JMY: variants seen among roughly 807,000 people sequenced by gnomAD.
JMY encodes the protein junction-mediating and -regulatory protein.
Under a neutral mutation model 103.3 loss-of-function variants are expected in JMY, and 46 were observed. The observed-to-expected ratio is 0.45, with a 90% CI of 0.35 to 0.57. The LOEUF (loss-of-function observed/expected upper bound fraction) is 0.57, where lower values mean the gene tolerates loss of function less well. JMY is among the 20% of genes least tolerant of loss of function. The pLI is 0.00. For synonymous variants in JMY, 526 were observed against 489.3 expected, an observed-to-expected ratio of 1.07 and a Z score of -0.99; for missense variants, 1,238 against 1,255.2, an observed-to-expected ratio of 0.99 and a Z score of 0.21.
intron 1 of JMY, among the ~76,000 whole-genome samples, chr5:79,249,452 G>A (rs967357971): frequency 1.3e-4 from 20 of 152,240 alleles, no homozygotes; most frequent in African/African-American, 4.8e-4. Context: ...TTTGTAAACA[G>A]TATGTTATCA....
chr5:79,276,385 G>A (rs1230737371), intron 1 of JMY, among the ~76,000 whole-genome samples: 3 of 152,054 alleles, frequency 2.0e-5, no homozygotes, highest in African/African-American at 4.8e-5. Context: ...CTCCCAAAGT[G>A]CTGGGAGTAC....
intron 4 of JMY, among the ~76,000 whole-genome samples, chr5:79,291,625 G>A (rs911119560): frequency 6.6e-6 from 1 of 152,170 alleles, no homozygotes; most frequent in Non-Finnish European, 1.5e-5. Flanking sequence ...ACTGACCAGA[G>A]AAATTCAGTA....
chr5:79,266,531 T>A (rs968331008), intron 1 of JMY, among the ~76,000 whole-genome samples: 3 of 152,252 alleles, frequency 2.0e-5, no homozygotes, highest in African/African-American at 7.2e-5. Flanking sequence ...TGTATAATGA[T>A]CACGTCAGGT....
Position 79,270,925 on chromosome 5 carries a change from CAATT to C in JMY, c.1033-6984_1033-6981del, listed in dbSNP as rs573038608. On this transcript the variant is annotated intron_variant, in intron 1 of 10. Transcript: ENST00000396137. ...TTTAGCCTGTTTTTGTAGTAGATGA[CAATT>C]GATTATTGACTGTTGAGCTAGCCTT... Among the ~76,000 whole-genome samples the C allele has an allele frequency of 1.2e-3, 180 of 151,776 alleles. 1 individual carries two copies. The highest frequency in any genetic ancestry group is 3.0e-3 in the Admixed American group (46 of 15,198).
intron 7 of JMY, among the ~76,000 whole-genome samples, chr5:79,309,893 A>G (rs903435960): frequency 1.3e-5 from 2 of 152,104 alleles, no homozygotes; most frequent in African/African-American, 2.4e-5. Context: ...TTACTTATGA[A>G]GGTTCCACAC....
At chr5:79,266,950 CACAT>C (rs1745602808) in intron 1 of JMY, among the ~76,000 whole-genome samples, 1 of 152,134 alleles carries the variant, frequency 6.6e-6, no homozygotes, top group Non-Finnish European at 1.5e-5. Flanking sequence ...GATAGTTTAA[CACAT>C]ACAATGAAAT....
At chr5:79,243,826 T>C (rs1009993216) in intron 1 of JMY, among the ~76,000 whole-genome samples, 1 of 152,168 alleles carries the variant, frequency 6.6e-6, no homozygotes, top group Non-Finnish European at 1.5e-5. Flanking sequence ...GAAAAAGATG[T>C]AAGTATAGAA....
rs1372687442 is a variant in JMY, at chr5:79,324,440, A to G, written c.*2838A>G. The G allele has an allele frequency of 6.6e-6, 1 of 152,208 alleles. No individual in the cohort carries two copies. Among genetic ancestry groups the G allele is most frequent in the Non-Finnish European group, 1.5e-5 (1 of 68,022 alleles). The allele number at this position is 152,208 out of a possible 1,614,324, so 9.4% of individuals were successfully genotyped here. A position where few individuals can be genotyped will look rare whatever the true frequency, so the allele number is the denominator to read the frequency against. On this transcript the variant is annotated 3_prime_UTR_variant, in exon 11 of 11. Transcript: ENST00000396137. ...TTATGCTGAGTCAATTTAGAAGTTA[A>G]TTTCCAATCTAGTCTCAACTGCAAT... is the stretch of plus-strand genomic sequence containing the variant.
At position 79,237,562 on chromosome 5, in the gene JMY, C is replaced by T. The variant is rs1386274529; in HGVS notation, c.912C>T (p.Ile304=). ...GHGLDTCGWK[I]LSQVLFTETD... The stretch of plus-strand genomic sequence containing the variant: ...GCCTGGACACCTGCGGCTGGAAGAT[C>T]CTCTCCCAGGTGCTCTTCACCGAGA... The change falls in exon 1 of 11, where the codon ATC becomes ATT. Residue 304 remains isoleucine (I), a synonymous_variant. Transcript: ENST00000396137. The T allele has an allele frequency of 5.0e-6, 8 of 1,613,506 alleles. No homozygotes were observed. The highest frequency in any genetic ancestry group is 6.8e-6 in the Non-Finnish European group (8 of 1,180,024).
chr5:79,250,240 C>G (rs1200475502), intron 1 of JMY, among the ~76,000 whole-genome samples: 1 of 152,196 alleles, frequency 6.6e-6, no homozygotes, highest in Non-Finnish European at 1.5e-5. Flanking sequence ...CAAGAAAAAT[C>G]TAACGGGTTG....
chr5:79,242,055 T>C (rs955773014), intron 1 of JMY, among the ~76,000 whole-genome samples: 4 of 152,244 alleles, frequency 2.6e-5, no homozygotes, highest in African/African-American at 9.6e-5. Flanking sequence ...ACCTTAATTA[T>C]GATGGTAGGC....
chr5:79,270,624 A>AAT lies in JMY; in HGVS notation c.1033-7281_1033-7280dup, dbSNP rs1253706349. ...TATATTTACATAAATGTTTATATAA[A>AAT]ATATATTTACATAAATATTTATATA... On this transcript the variant is annotated intron_variant, in intron 1 of 10. Transcript: ENST00000396137. 4.6e-4 allele frequency among the ~76,000 whole-genome samples: 64 copies of AAT among 138,932 alleles called. 1 individual carries two copies. Among genetic ancestry groups the AAT allele is most frequent in the Non-Finnish European group, 7.2e-4 (47 of 65,438 alleles). 91.1% of individuals were successfully genotyped at this position (138,932 alleles called of 152,430 possible). A position where few individuals can be genotyped will look rare whatever the true frequency, so the allele number is the denominator to read the frequency against.
At chr5:79,313,548 T>C (rs1561315271) in intron 8 of JMY, among the ~76,000 whole-genome samples, 1 of 152,228 alleles carries the variant, frequency 6.6e-6, no homozygotes, top group African/African-American at 2.4e-5. Flanking sequence ...GATGGAGCTT[T>C]TTAAAAATGC....
In JMY at chr5:79,240,478, T is replaced by A. The variant is rs532365925; in HGVS notation, c.1032+2796T>A. Among the ~76,000 whole-genome samples the A allele has an allele frequency of 2.6e-5, 4 of 152,144 alleles. No homozygotes were observed. The South Asian group carries it at 8.3e-4, about 32-fold the overall frequency. ...GTCGCCGCTACCATGCCTGGCTAATTTTTGTATTTTTGTAGTGACAGGGTT... is the reference window on the plus strand; with the variant it reads ...GTCGCCGCTACCATGCCTGGCTAATATTTGTATTTTTGTAGTGACAGGGTT... On this transcript the variant is annotated intron_variant, in intron 1 of 10. Coordinates refer to ENST00000396137, the MANE Select transcript of JMY (RefSeq NM_152405.5).
At chr5:79,250,657 T>C (rs943219130) in intron 1 of JMY, among the ~76,000 whole-genome samples, 2 of 139,456 alleles carry the variant, frequency 1.4e-5, no homozygotes, top group Non-Finnish European at 3.0e-5. Flanking sequence ...TTTCTTTTTT[T>C]TTTTTTTTTT....
chr5:79,290,713 C>T (rs1201137426), intron 3 of JMY, among the ~76,000 whole-genome samples: 1 of 152,172 alleles, frequency 6.6e-6, no homozygotes, highest in Non-Finnish European at 1.5e-5. Flanking sequence ...GTCGGCCGGG[C>T]ACGGTGGCTC....
chr5:79,255,777 T>G (rs1745222442), intron 1 of JMY, among the ~76,000 whole-genome samples: 1 of 152,232 alleles, frequency 6.6e-6, no homozygotes, highest in Non-Finnish European at 1.5e-5. Context: ...ACTTTATCCT[T>G]AACAACAGAG....
At chr5:79,284,847 T>A (rs1403466834) in intron 2 of JMY, 1 of 1,573,860 alleles carries the variant, frequency 6.4e-7, no homozygotes, top group African/African-American at 1.3e-5. Context: ...TCTTAGAAAA[T>A]GGATCAACCA....
intron 1 of JMY, among the ~76,000 whole-genome samples, chr5:79,241,083 C>A (rs1045021670): frequency 6.6e-6 from 1 of 152,146 alleles, no homozygotes; most frequent in Non-Finnish European, 1.5e-5. Context: ...TTTTTTCCTA[C>A]AGTATTCCTT....
Sources: gnomAD v4.1 joint callset for allele counts (sites outside exome capture counted in the v4.1 genomes callset) on GRCh38, gnomAD v4.1.1 for gene constraint, MANE v1.5 for transcripts, NCBI Gene and HGNC (gene_info 2026-07-23, HGNC 2026-07-21) for gene names.